Variants in CNIH3 observed in about 807,000 individuals in gnomAD.
CNIH3 encodes protein cornichon homolog 3.
A neutral mutation model predicts 24.1 loss-of-function variants in CNIH3; 14 were observed. The ratio of observed to expected loss-of-function variants is 0.58; its 90% CI spans 0.38 to 0.91. CNIH3 has a LOEUF of 0.91. Ranked by LOEUF, CNIH3 falls within the 40% of genes least tolerant of loss-of-function variation. The pLI, the probability that CNIH3 is intolerant of heterozygous loss-of-function variation, is 0.00. For synonymous variants in CNIH3, 68 were observed against 73.8 expected, an observed-to-expected ratio of 0.92 and a Z score of 0.40; for missense variants, 178 against 196.8, an observed-to-expected ratio of 0.90 and a Z score of 0.57.
intron 1 of CNIH3, among the ~76,000 whole-genome samples, chr1:224,634,083 G>A (rs918943765): frequency 2.0e-4 from 30 of 152,206 alleles, no homozygotes; most frequent in African/African-American, 7.2e-4. Flanking sequence ...TCCCTGCAAG[G>A]GGATGACTAC....
rs986345200 is a variant in CNIH3 at position 224,728,545 on chromosome 1, A to C, written c.199-1917A>C. On this transcript the variant is annotated intron_variant, in intron 3 of 5. Transcript: ENST00000272133. ...GTGAGGGTTAATGCAATTCATCTAC[A>C]CTGGACTTTGAGAATAAAGAAGGTG... is the stretch of plus-strand genomic sequence containing the variant. Among the ~76,000 whole-genome samples, 6 of 152,184 alleles carry C rather than the reference A, an allele frequency of 3.9e-5. No individual in the cohort carries two copies. The East Asian group carries it at 1.2e-3, about 29-fold the overall frequency.
At chr1:224,565,363 G>A (rs1026320578) in intron 3 of CNIH3, 1 of 152,246 alleles carries the variant, frequency 6.6e-6, no homozygotes, top group African/African-American at 2.4e-5. Flanking sequence ...ACTGTGCAAA[G>A]ATAGATGAGC....
chr1:224,581,034 T>C (rs545109733), intron 4 of CNIH3, among the ~76,000 whole-genome samples: 1 of 152,328 alleles, frequency 6.6e-6, no homozygotes, highest in African/African-American at 2.4e-5. Flanking sequence ...TGGAAACATA[T>C]GGCCTCTATC....
rs539197639 is a variant in CNIH3, at chr1:224,447,031, AG to A, written n.203+12171del. 2.4e-3 allele frequency among the ~76,000 whole-genome samples: 361 copies of A among 152,294 alleles called. 1 individual carries two copies. The highest frequency in any genetic ancestry group is 3.7e-3 in the Non-Finnish European group (254 of 68,026). Reference sequence around the variant, plus strand: ...GCAAGTAAAAATGTAAAGAACTTTTAGGAATTGTGTTAGGGTTCTCCCGAGA... The same window carrying A: ...GCAAGTAAAAATGTAAAGAACTTTTAGAATTGTGTTAGGGTTCTCCCGAGA... On this transcript the variant is annotated intron_variant and non_coding_transcript_variant, in intron 1 of 5. Transcript: ENST00000471578.
At chr1:224,515,174 G>C (rs564511883), upstream of CNIH3, among the ~76,000 whole-genome samples, 2 of 152,190 alleles carry the variant, frequency 1.3e-5, no homozygotes, top group Non-Finnish European at 2.9e-5. Context: ...GGGTCTGGGC[G>C]GGGGTCTAGG....
chr1:224,467,454 G>A (rs1420408233), intron 1 of CNIH3, among the ~76,000 whole-genome samples: 3 of 151,858 alleles, frequency 2.0e-5, no homozygotes, highest in African/African-American at 7.3e-5. Context: ...TTTTTGTTTT[G>A]CTCTCATTGC....
intron 3 of CNIH3, among the ~76,000 whole-genome samples, chr1:224,606,260 C>T (rs563451781): frequency 1.3e-5 from 2 of 152,230 alleles, no homozygotes; most frequent in Admixed American, 1.3e-4. Context: ...TTTGTACCTG[C>T]CCTCTTGGTA....
At position 224,444,668 on chromosome 1, in the gene CNIH3, G is replaced by A. The variant is rs543235343; in HGVS notation, n.203+9806G>A. Among the ~76,000 whole-genome samples, 11 of 148,888 alleles carry A rather than the reference G, an allele frequency of 7.4e-5. No homozygotes were observed. In the East Asian group the frequency reaches 1.2e-3, roughly 16 times the overall value. The stretch of plus-strand genomic sequence containing the variant: ...CTGCTGGTTTCTTTTTTTTTTAGAC[G>A]GAATCTTTCTCTGTCACCCAGGCTG... On this transcript the variant is annotated intron_variant and non_coding_transcript_variant, in intron 1 of 5. Transcript: ENST00000471578.
In CNIH3 at chr1:224,704,626, G is replaced by A. The variant is rs1483583739; in HGVS notation, c.198+19783G>A. Among the ~76,000 whole-genome samples the A allele has an allele frequency of 1.3e-5, 2 of 151,508 alleles. No individual in the cohort carries two copies. Among genetic ancestry groups the A allele is most frequent in the Non-Finnish European group, 2.9e-5 (2 of 67,918 alleles). ...TACAGCACATACTTTTTTTTTGCTG[G>A]ACCATTTAATTGTATACATCATGGA... On this transcript the variant is annotated intron_variant, in intron 3 of 5. Transcript: ENST00000272133. The surrounding 1 kb of genome is among the most constrained non-coding windows in gnomAD (Gnocchi z 4.2).
At chr1:224,442,063 G>C (rs1674940689) in intron 1 of CNIH3, among the ~76,000 whole-genome samples, 1 of 138,626 alleles carries the variant, frequency 7.2e-6, no homozygotes, top group South Asian at 2.2e-4. Context: ...TCATTGCTCA[G>C]GCAGGAGTGC....
intron 1 of CNIH3, among the ~76,000 whole-genome samples, chr1:224,463,552 A>C (rs1485125096): frequency 6.7e-5 from 10 of 149,394 alleles, no homozygotes; most frequent in Non-Finnish European, 1.0e-4. Flanking sequence ...GGGGTTAGGC[A>C]TGTGCCACCA....
intron 1 of CNIH3, among the ~76,000 whole-genome samples, chr1:224,447,330 A>G (rs887948208): frequency 6.6e-6 from 1 of 152,174 alleles, no homozygotes; most frequent in Admixed American, 6.5e-5. Flanking sequence ...GAGAGCCGGG[A>G]GTTCTGATGA....
intron 1 of CNIH3, among the ~76,000 whole-genome samples, chr1:224,483,564 AT>A (rs916436617): frequency 1.6e-3 from 225 of 141,182 alleles, no homozygotes; most frequent in Admixed American, 1.9e-3. Context: ...TAATTTTTGT[AT>A]TTTTTTTTTT....
At chr1:224,524,370 A>G (rs1411905538) in intron 2 of CNIH3, among the ~76,000 whole-genome samples, 1 of 152,176 alleles carries the variant, frequency 6.6e-6, no homozygotes, top group Admixed American at 6.5e-5. Context: ...CTCATTTCCA[A>G]ATGGGAAATT....
chr1:224,594,164 A>G (rs1241088033), intron 3 of CNIH3, among the ~76,000 whole-genome samples: 1 of 152,234 alleles, frequency 6.6e-6, no homozygotes, highest in Non-Finnish European at 1.5e-5. Context: ...TTATTTTGCC[A>G]CAATAAAACA....
chr1:224,684,965 C>A lies in CNIH3; in HGVS notation c.198+122C>A. 1 of 925,474 alleles carries A rather than the reference C, an allele frequency of 1.1e-6. No homozygotes were observed. Among genetic ancestry groups the A allele is most frequent in the Non-Finnish European group, 1.8e-6 (1 of 558,424 alleles). The allele number at this position is 925,474 out of a possible 1,614,324, so 57.3% of individuals were successfully genotyped here. ...TGTCCACCAGGGAGGCAAATGGTGG[C>A]AGGGAAAGGGGGAGGTGGGAGCAAG... On this transcript the variant is annotated intron_variant, in intron 3 of 5. Transcript: ENST00000272133. This position sits in a 1 kb window ranked among gnomAD's most constrained non-coding sequence, Gnocchi z 4.2.
At chr1:224,461,728 C>G (rs568825578) in intron 1 of CNIH3, among the ~76,000 whole-genome samples, 97 of 152,304 alleles carry the variant, frequency 6.4e-4, no homozygotes, top group African/African-American at 2.3e-3. Flanking sequence ...TGTGCAACAA[C>G]CAGCACCACA....
intron 3 of CNIH3, among the ~76,000 whole-genome samples, chr1:224,699,731 G>A (rs1273048491): frequency 6.6e-6 from 1 of 152,154 alleles, no homozygotes; most frequent in Non-Finnish European, 1.5e-5. Flanking sequence ...TGGGGAACCT[G>A]TGTGTGGCCA....
At chr1:224,547,485 A>T (rs988939192) in intron 3 of CNIH3, among the ~76,000 whole-genome samples, 37 of 152,082 alleles carry the variant, frequency 2.4e-4, no homozygotes, top group Admixed American at 6.5e-5. Context: ...TATTATTCTT[A>T]ATATCACAGT....
Sources: allele counts gnomAD v4.1 joint callset (sites outside exome capture counted in the v4.1 genomes callset), GRCh38; gene constraint gnomAD v4.1.1; non-coding constraint Gnocchi (gnomAD v3.1); transcripts MANE v1.5; gene names NCBI Gene and HGNC (gene_info 2026-07-23, HGNC 2026-07-21).